The following CRISP1 variants were observed in gnomAD, a reference collection of about 807,000 sequenced individuals.
The protein encoded by CRISP1 is cysteine-rich secretory protein 1.
A neutral mutation model predicts 33.1 loss-of-function variants in CRISP1; 44 were observed. That is an observed-to-expected ratio of 1.33 (90% confidence interval 1.05 to 1.71). CRISP1 has a LOEUF of 1.71. CRISP1 is among the 40% of genes most tolerant of loss of function. CRISP1 has a pLI of 0.00. For missense variants in CRISP1, 390 were observed against 301.2 expected, an observed-to-expected ratio of 1.29 and a Z score of -2.18; for synonymous variants, 103 against 98.7, an observed-to-expected ratio of 1.04 and a Z score of -0.26.
At chr6:49,853,939 T>G (rs571342099) in intron 2 of CRISP1, among the ~76,000 whole-genome samples, 123 of 152,294 alleles carry the variant, frequency 8.1e-4, no homozygotes, top group Non-Finnish European at 1.5e-3. Context: ...ATCAGTAAGA[T>G]TGACCTCAAA....
intron 5 of CRISP1, among the ~76,000 whole-genome samples, chr6:49,841,431 G>C (rs1009023614): frequency 5.9e-5 from 9 of 152,188 alleles, no homozygotes; most frequent in African/African-American, 2.2e-4. Flanking sequence ...GATGTTCAAA[G>C]AGGACTTGAG....
rs1770762894 is a variant in CRISP1, at chr6:49,835,583, A to T, written c.623-140T>A. Reference sequence around the variant, plus strand: ...AAATTTAATTAGCATAAGCTAACTAAATCTGAATGCAAAACAGGTGATAAG... The same window carrying T: ...AAATTTAATTAGCATAAGCTAACTATATCTGAATGCAAAACAGGTGATAAG... On this transcript the variant is annotated intron_variant, in intron 7 of 7. Coordinates refer to ENST00000335847, the MANE Select transcript of CRISP1 (RefSeq NM_001131.3). 10 of 783,596 alleles carry T rather than the reference A, an allele frequency of 1.3e-5. No homozygotes were observed. In the South Asian group the frequency reaches 2.1e-4, roughly 17 times the overall value. The allele number at this position is 783,596 out of a possible 1,614,324, so 48.5% of individuals were successfully genotyped here.
chr6:49,861,454 T>G (rs892658878), intron 1 of CRISP1, among the ~76,000 whole-genome samples: 2 of 152,018 alleles, frequency 1.3e-5, no homozygotes, highest in African/African-American at 4.8e-5. Flanking sequence ...CATATGCAAA[T>G]CAATAAATGT....
At chr6:49,841,856 C>A (rs1771001632) in intron 5 of CRISP1, among the ~76,000 whole-genome samples, 1 of 152,072 alleles carries the variant, frequency 6.6e-6, no homozygotes, top group Admixed American at 6.6e-5. Flanking sequence ...AAATGGGATA[C>A]AACAACGCTG....
At chr6:49,847,329 G>A (rs760864117) in intron 4 of CRISP1, among the ~76,000 whole-genome samples, 5 of 152,154 alleles carry the variant, frequency 3.3e-5, no homozygotes, top group South Asian at 2.1e-4. Context: ...TGTAATCCCC[G>A]TGTTGAAGGT....
intron 5 of CRISP1, among the ~76,000 whole-genome samples, chr6:49,843,165 A>T (rs1373675794): frequency 6.6e-6 from 1 of 152,148 alleles, no homozygotes; most frequent in East Asian, 1.9e-4. Flanking sequence ...AATTTCTTAG[A>T]TTTTTAGCTT....
At chr6:49,864,039 G>T (rs529483303) in intron 1 of CRISP1, among the ~76,000 whole-genome samples, 7 of 152,246 alleles carry the variant, frequency 4.6e-5, no homozygotes, top group Non-Finnish European at 1.0e-4. Context: ...ACCCAGGAAG[G>T]TCACTTGCAC....
rs189553019 is a variant in CRISP1 at position 49,856,445 on chromosome 6, C to T, written c.66+890G>A. Among the ~76,000 whole-genome samples, 54 of 152,232 alleles carry T rather than the reference C, an allele frequency of 3.5e-4. No homozygotes were observed. The East Asian group carries it at 7.5e-3, about 21-fold the overall frequency. On this transcript the variant is annotated intron_variant, in intron 2 of 7. Coordinates refer to ENST00000335847, the MANE Select transcript of CRISP1 (RefSeq NM_001131.3). ...TCTTATTCAGGACTCTAATTCAGGA[C>T]GCTAATTCCAGCTTACTGGAGGATT...
In CRISP1 at chr6:49,852,085, C is replaced by T. The variant is rs1482824722; in HGVS notation, c.111G>A (p.Leu37=). 1 of 1,613,148 alleles carries T rather than the reference C, an allele frequency of 6.2e-7. No individual in the cohort carries two copies. Among genetic ancestry groups the T allele is most frequent in the African/African-American group, 1.3e-5 (1 of 74,884 alleles). ...RDQFNKLVTD[L]PNVQEEIVNI... is the part of the protein sequence containing the mutation. The stretch of plus-strand genomic sequence containing the variant: ...TAACGATCTCTTCTTGTACATTTGG[C>T]AAGTCGGTGACGAGCTTATTAAATT... Residue 37 remains leucine (L), a synonymous_variant, in exon 3 of 8, where the codon TTG becomes TTA. Coordinates refer to ENST00000335847, the MANE Select transcript of CRISP1 (RefSeq NM_001131.3).
Position 49,848,088 on chromosome 6 carries a change from C to G in CRISP1, c.286+121G>C, listed in dbSNP as rs1771236584. On this transcript the variant is annotated intron_variant, in intron 4 of 7. Coordinates refer to ENST00000335847, the MANE Select transcript of CRISP1 (RefSeq NM_001131.3). ...GTCCACAATTCACTGCCTTGTATGA[C>G]CCAGTGCAAATGAGGAAATCTAGAT... is the stretch of plus-strand genomic sequence containing the variant. The G allele has an allele frequency of 9.0e-6, 5 of 553,934 alleles. No individual in the cohort carries two copies. The South Asian group carries it at 1.2e-4, about 13-fold the overall frequency. The allele number at this position is 553,934 out of a possible 1,614,324, so 34.3% of individuals were successfully genotyped here.
rs1001910739 is a variant in CRISP1, at chr6:49,860,827, T to A, written c.-2-3425A>T. On this transcript the variant is annotated intron_variant, in intron 1 of 7. Coordinates refer to ENST00000335847, the MANE Select transcript of CRISP1 (RefSeq NM_001131.3). ...ATACAAAGGATAAAAAAATGTTGAT[T>A]TTTTGAAAATATAAACAAGACCAAT... Among the ~76,000 whole-genome samples, 4 of 150,994 alleles carry A rather than the reference T, an allele frequency of 2.6e-5. No homozygotes were observed. The South Asian group carries it at 6.2e-4, about 23-fold the overall frequency.
At chr6:49,860,026 G>A (rs1771604158) in intron 1 of CRISP1, among the ~76,000 whole-genome samples, 1 of 152,058 alleles carries the variant, frequency 6.6e-6, no homozygotes, top group South Asian at 2.1e-4. Context: ...AGCAGACAAA[G>A]AAGGTCATTA....
upstream of CRISP1, among the ~76,000 whole-genome samples, chr6:49,869,003 C>T (rs1771863445): frequency 1.3e-5 from 2 of 152,130 alleles, no homozygotes; most frequent in Non-Finnish European, 2.9e-5. Context: ...GAATGAAAGT[C>T]AATATACATT....
intron 7 of CRISP1, among the ~76,000 whole-genome samples, chr6:49,836,351 T>C (rs1045360729): frequency 6.6e-6 from 1 of 151,302 alleles, no homozygotes; most frequent in African/African-American, 2.4e-5. Context: ...TTTTTTTTTT[T>C]TTGAGACGGA....
intron 5 of CRISP1, among the ~76,000 whole-genome samples, chr6:49,844,362 A>G (rs1283256873): frequency 6.6e-6 from 1 of 152,152 alleles, no homozygotes; most frequent in Non-Finnish European, 1.5e-5. Flanking sequence ...CATGATAGAG[A>G]TATTTCACTT....
At chr6:49,843,299 A>C (rs893300602) in intron 5 of CRISP1, among the ~76,000 whole-genome samples, 4 of 152,216 alleles carry the variant, frequency 2.6e-5, no homozygotes, top group African/African-American at 7.2e-5. Context: ...TATCAATCTT[A>C]AAAGAAAATG....
At chr6:49,862,107 G>A (rs1771669974) in intron 1 of CRISP1, among the ~76,000 whole-genome samples, 1 of 152,032 alleles carries the variant, frequency 6.6e-6, no homozygotes, top group Non-Finnish European at 1.5e-5. Flanking sequence ...AAAGAGAAAG[G>A]CAAATTGTCA....
chr6:49,837,530 A>G (rs1770840252), intron 7 of CRISP1, among the ~76,000 whole-genome samples: 1 of 151,866 alleles, frequency 6.6e-6, no homozygotes, highest in Non-Finnish European at 1.5e-5. Flanking sequence ...GTGGATACAG[A>G]GAAAGAGAGA....
At chr6:49,849,037 T>C (rs951165585) in intron 3 of CRISP1, among the ~76,000 whole-genome samples, 1 of 152,160 alleles carries the variant, frequency 6.6e-6, no homozygotes, top group Admixed American at 6.5e-5. Context: ...CTTCAGAGTA[T>C]GTGTTCTTGA....
Sources: allele counts gnomAD v4.1 joint callset (sites outside exome capture counted in the v4.1 genomes callset), GRCh38; gene constraint gnomAD v4.1.1; transcripts MANE v1.5; gene names NCBI Gene and HGNC (gene_info 2026-07-23, HGNC 2026-07-21).